KBTBD11: variants seen among roughly 807,000 people sequenced by gnomAD.
KBTBD11 encodes the protein kelch repeat and BTB domain-containing protein 11.
For missense variants in KBTBD11, 1,390 were observed against 1,001.8 expected (o/e 1.39, Z -5.23); for synonymous variants, 747 against 499.0 (o/e 1.50, Z -6.63).
Position 2,002,314 on chromosome 8 carries a change from C to T in KBTBD11, c.1122C>T (p.Gly374=). 1 of 1,365,936 alleles carries T rather than the reference C, an allele frequency of 7.3e-7. No individual in the cohort carries two copies. The highest frequency in any genetic ancestry group is 1.6e-5 in the South Asian group (1 of 61,542). The allele number at this position is 1,365,936 out of a possible 1,614,324, so 84.6% of individuals were successfully genotyped here. A position where few individuals can be genotyped will look rare whatever the true frequency, so the allele number is the denominator to read the frequency against. The part of the protein sequence containing the change: ...AGGVAPAGPD[G]RARPSDQVFC... ...GCGTGGCGCCCGCGGGCCCCGACGG[C>T]CGCGCGCGCCCGTCCGACCAGGTCT... Residue 374 remains glycine (G), a synonymous_variant, in exon 2 of 2, where the codon GGC becomes GGT. Transcript: ENST00000320248. This position sits in a 1 kb window ranked among gnomAD's most constrained non-coding sequence, Gnocchi z 4.1.
In KBTBD11 at chr8:2,004,062, G is replaced by A. The variant is rs573247192; in HGVS notation, c.*998G>A. 3.0e-5 allele frequency: 5 copies of A among 166,970 alleles called. No homozygotes were observed. The East Asian group carries it at 5.8e-4, about 19-fold the overall frequency. 10.3% of individuals were successfully genotyped at this position (166,970 alleles called of 1,614,324 possible). ...GTATATGATGTTTTCAATGTGGATC[G>A]TGTAGTTCTGATGAGGGAGATTAAT... On this transcript the variant is annotated 3_prime_UTR_variant, in exon 2 of 2. Transcript: ENST00000320248.
chr8:1,992,346 C>T (rs980832200), intron 1 of KBTBD11, among the ~76,000 whole-genome samples: 4 of 152,072 alleles, frequency 2.6e-5, no homozygotes, highest in East Asian at 1.9e-4. Flanking sequence ...AATTCCTCCA[C>T]GTGACCCACA....
chr8:1,974,426 C>T, intron 1 of KBTBD11: 2 of 984,202 alleles, frequency 2.0e-6, no homozygotes, highest in African/African-American at 1.8e-5. Flanking sequence ...GGGCTCCTCC[C>T]GGGGTTGCTC....
chr8:1,979,212 CCCT>C (rs1226756659), intron 1 of KBTBD11, among the ~76,000 whole-genome samples: 1 of 152,182 alleles, frequency 6.6e-6, no homozygotes, highest in Non-Finnish European at 1.5e-5. Flanking sequence ...GCATTGCAGT[CCCT>C]CCTCCTCGGG....
At chr8:1,993,556 C>CCCATCCATCCAT (rs1184041692) in intron 1 of KBTBD11, among the ~76,000 whole-genome samples, 30 of 73,692 alleles carry the variant, frequency 4.1e-4, no homozygotes, top group Middle Eastern at 8.8e-3. Context: ...CACCCACCCA[C>CCCATCCATCCAT]CCATCCATCC....
At chr8:1,992,950 A>G (rs1477741566) in intron 1 of KBTBD11, among the ~76,000 whole-genome samples, 1 of 151,176 alleles carries the variant, frequency 6.6e-6, no homozygotes, top group Non-Finnish European at 1.5e-5. Context: ...TATTGTTATT[A>G]TTTTTGAGAC....
chr8:1,984,279 GTTTTTTTTTTT>G (rs71211539), intron 1 of KBTBD11, among the ~76,000 whole-genome samples: 4,476 of 98,616 alleles, frequency 0.045, 138 homozygotes, highest in Non-Finnish European at 0.058. Flanking sequence ...CTCTAAAAAA[GTTTTTTTTTTT>G]TTTTTTTTTT....
At position 2,002,253 on chromosome 8, in the gene KBTBD11, T is replaced by C; in HGVS notation, c.1061T>C (p.Leu354Pro). The change falls in exon 2 of 2, where the codon CTG becomes CCG. Residue 354 changes from leucine to proline, a missense_variant. Coordinates refer to ENST00000320248, the MANE Select transcript of KBTBD11 (RefSeq NM_014867.3). This position sits in a 1 kb window ranked among gnomAD's most constrained non-coding sequence, Gnocchi z 4.1. Reference protein sequence around the residue: ...PEGAPARGCGLCVLYNYLFVA... With the variant: ...PEGAPARGCGPCVLYNYLFVA... ...GGCGCGCCGGCGCGGGGCTGCGGCC[T>C]GTGCGTCCTCTACAACTACCTCTTC... The C allele has an allele frequency of 2.3e-6, 3 of 1,297,922 alleles. No homozygotes were observed. Among genetic ancestry groups the C allele is most frequent in the Non-Finnish European group, 2.9e-6 (3 of 1,029,974 alleles). 80.4% of individuals were successfully genotyped at this position (1,297,922 alleles called of 1,614,324 possible). A position where few individuals can be genotyped will look rare whatever the true frequency, so the allele number is the denominator to read the frequency against.
intron 1 of KBTBD11, chr8:1,976,176 C>G (rs1816336569): frequency 1.3e-5 from 2 of 152,132 alleles, no homozygotes; most frequent in African/African-American, 4.8e-5. Context: ...AGCGGGTTTC[C>G]TGATCACAAA....
At chr8:1,984,589 G>A (rs1056388480) in intron 1 of KBTBD11, among the ~76,000 whole-genome samples, 18 of 151,876 alleles carry the variant, frequency 1.2e-4, no homozygotes, top group Admixed American at 4.6e-4. Flanking sequence ...GCGTGGCCCC[G>A]TCTCTAAAAA....
chr8:1,996,222 T>A (rs1166631410), intron 1 of KBTBD11, among the ~76,000 whole-genome samples: 1 of 152,148 alleles, frequency 6.6e-6, no homozygotes, highest in Non-Finnish European at 1.5e-5. Context: ...GACGCTGTGG[T>A]CTAACAGGGT....
Position 1,988,136 on chromosome 8 carries a change from G to A in KBTBD11, c.-908-12149G>A, listed in dbSNP as rs529655683. Among the ~76,000 whole-genome samples, 12 of 152,204 alleles carry A rather than the reference G, an allele frequency of 7.9e-5. No homozygotes were observed. The South Asian group carries it at 1.7e-3, about 21-fold the overall frequency. ...TTTCTTTATCCAGTCTATCATTGTT[G>A]GACATTTGGGTTGGTTCCAAGTCTT... is the stretch of plus-strand genomic sequence containing the variant. On this transcript the variant is annotated intron_variant, in intron 1 of 1. Transcript: ENST00000320248.
Position 2,006,661 on chromosome 8 carries a change from T to A in KBTBD11, c.*3597T>A, listed in dbSNP as rs915412889. On this transcript the variant is annotated 3_prime_UTR_variant, in exon 2 of 2. Coordinates refer to ENST00000320248, the MANE Select transcript of KBTBD11 (RefSeq NM_014867.3). ...GCTTCAGACACGCCAAGTGGATGGA[T>A]TTGGATTGAACGCATATGAAACAGG... 6.0e-6 allele frequency: 1 copy of A among 167,094 alleles called. No homozygotes were observed. The highest frequency in any genetic ancestry group is 2.4e-5 in the African/African-American group (1 of 41,460). The allele number at this position is 167,094 out of a possible 1,614,324, so 10.4% of individuals were successfully genotyped here.
chr8:1,994,418 G>C (rs1160201517), intron 1 of KBTBD11, among the ~76,000 whole-genome samples: 1 of 152,260 alleles, frequency 6.6e-6, no homozygotes, highest in East Asian at 1.9e-4. Context: ...GCATGGCTGT[G>C]ACAGGCGTCA....
chr8:1,986,564 C>T (rs1274006139), intron 1 of KBTBD11, among the ~76,000 whole-genome samples: 2 of 152,110 alleles, frequency 1.3e-5, no homozygotes, highest in Non-Finnish European at 2.9e-5. Context: ...TATTTAGATT[C>T]CCGTATTTCC....
intron 1 of KBTBD11, among the ~76,000 whole-genome samples, chr8:1,979,272 A>G (rs1229721148): frequency 6.6e-6 from 1 of 152,236 alleles, no homozygotes; most frequent in Non-Finnish European, 1.5e-5. Context: ...AGGCCCACCC[A>G]TATTGTGAAT....
In KBTBD11 at chr8:2,004,268, G is replaced by C. The variant is rs992806330; in HGVS notation, c.*1204G>C. The C allele has an allele frequency of 6.0e-6, 1 of 166,874 alleles. No homozygotes were observed. The highest frequency in any genetic ancestry group is 2.4e-5 in the African/African-American group (1 of 41,426). 10.3% of individuals were successfully genotyped at this position (166,874 alleles called of 1,614,324 possible). On this transcript the variant is annotated 3_prime_UTR_variant, in exon 2 of 2. Transcript: ENST00000320248. ...GCTCACTGCATTGACAGGGTATGAGGATTAAAAACAAATCAGTTGGGTCGT... is the reference window on the plus strand; with the variant it reads ...GCTCACTGCATTGACAGGGTATGAGCATTAAAAACAAATCAGTTGGGTCGT...
chr8:1,983,131 C>G (rs1239676375), intron 1 of KBTBD11, among the ~76,000 whole-genome samples: 2 of 152,162 alleles, frequency 1.3e-5, no homozygotes, highest in Non-Finnish European at 2.9e-5. Context: ...CTGCTAGAGG[C>G]CATGAGTTGG....
In KBTBD11 at chr8:2,002,663, C is replaced by T. The variant is rs748647539; in HGVS notation, c.1471C>T (p.Arg491Cys). The T allele has an allele frequency of 3.2e-6, 5 of 1,572,176 alleles. No homozygotes were observed. The highest frequency in any genetic ancestry group is 1.4e-5 in the African/African-American group (1 of 72,852). ...QECPCSSSRE[R>C]SADMVALDGF... ...GTGCCCGTGCAGCAGCAGCCGCGAGCGCTCGGCCGACATGGTGGCTCTCGA... is the reference window on the plus strand; with the variant it reads ...GTGCCCGTGCAGCAGCAGCCGCGAGTGCTCGGCCGACATGGTGGCTCTCGA... Residue 491 changes from arginine to cysteine, a missense_variant, in exon 2 of 2, where the codon CGC (arginine) becomes TGC (cysteine). By Grantham distance (180) the Arg-to-Cys change is radical. Transcript: ENST00000320248. The surrounding 1 kb of genome is among the most constrained non-coding windows in gnomAD (Gnocchi z 4.1).
Sources: gnomAD v4.1 joint callset for allele counts (sites outside exome capture counted in the v4.1 genomes callset) on GRCh38, gnomAD v4.1.1 for gene constraint, Gnocchi (gnomAD v3.1) non-coding constraint, MANE v1.5 for transcripts, NCBI Gene and HGNC (gene_info 2026-07-23, HGNC 2026-07-21) for gene names.